GPR137B: variants seen among roughly 807,000 people sequenced by gnomAD.
GPR137B encodes G protein-coupled receptor 137B.
Under a neutral mutation model 42.5 loss-of-function variants are expected in GPR137B, and 42 were observed. The ratio of observed to expected loss-of-function variants is 0.99; its 90% CI spans 0.77 to 1.28. The LOEUF is 1.28. Among genes scored for constraint, GPR137B ranks in the 50% most tolerant of loss-of-function variants. GPR137B has a pLI of 0.00. For missense variants in GPR137B, 487 were observed against 493.9 expected (o/e 0.99, Z 0.13); for synonymous variants, 218 against 209.7 (o/e 1.04, Z -0.34).
chr1:236,204,892 T>C (rs1412954931), intron 5 of GPR137B, among the ~76,000 whole-genome samples: 1 of 152,208 alleles, frequency 6.6e-6, no homozygotes, highest in Non-Finnish European at 1.5e-5. Context: ...AAAACAATGA[T>C]GACTCACTGT....
chr1:236,148,373 C>T (rs574353291), intron 1 of GPR137B, among the ~76,000 whole-genome samples: 4 of 152,300 alleles, frequency 2.6e-5, no homozygotes, highest in South Asian at 2.1e-4. Flanking sequence ...CCTTCTTCCT[C>T]GGAATTCCCA....
rs761718187 is a variant in GPR137B at position 236,183,874 on chromosome 1, T to C, written c.934T>C (p.Phe312Leu). Residue 312 changes from phenylalanine (F) to leucine (L), a missense_variant, in exon 5 of 7, where the codon TTC becomes CTC. Phe to Leu is a conservative substitution (Grantham distance 22). Coordinates refer to ENST00000366592, the MANE Select transcript of GPR137B (RefSeq NM_003272.4). The part of the protein sequence containing the change: ...ELLPTTLVVY[F>L]FRVRNPTKDL... ...CTTACCTACCACCTTAGTCGTTTAT[T>C]TCTTCCGAGTTAGAAATCCTACAAA... The C allele has an allele frequency of 5.0e-6, 8 of 1,609,512 alleles. No individual in the cohort carries two copies. In the South Asian group the frequency reaches 8.8e-5, roughly 18 times the overall value.
rs774554717 is a variant in GPR137B at position 236,171,475 on chromosome 1, T to C, written c.464+2720T>C. 1.3e-5 allele frequency among the ~76,000 whole-genome samples: 2 copies of C among 152,170 alleles called. No homozygotes were observed. The highest frequency in any genetic ancestry group is 2.9e-5 in the Non-Finnish European group (2 of 68,026). ...GGAACTGATTTTATCTTGGAAGCAG[T>C]TGAGGCTGGGGTAATTAGATGTCTT... On this transcript the variant is annotated intron_variant, in intron 2 of 6. Transcript: ENST00000366592. This position sits in a 1 kb window ranked among gnomAD's most constrained non-coding sequence, Gnocchi z 4.4.
intron 5 of GPR137B, 52 bp from the exon 6 acceptor site, chr1:236,205,074 G>C: frequency 1.3e-6 from 2 of 1,498,754 alleles, no homozygotes; most frequent in Non-Finnish European, 1.8e-6. Context: ...ATTTTTGTCT[G>C]GTGCAAGGCA....
chr1:236,150,966 G>C lies in GPR137B; in HGVS notation c.414+7930G>C, dbSNP rs1661841362. ...ATGACAGTGAGGGGTGGGCTGCCCA[G>C]AGAGGAACATTTGCAAGATCCAAGA... is the stretch of plus-strand genomic sequence containing the variant. On this transcript the variant is annotated intron_variant, in intron 1 of 6. Transcript: ENST00000366592. The surrounding 1 kb of genome is among the most constrained non-coding windows in gnomAD (Gnocchi z 6.2). 6.6e-6 allele frequency among the ~76,000 whole-genome samples: 1 copy of C among 152,218 alleles called. No individual in the cohort carries two copies. The highest frequency in any genetic ancestry group is 2.4e-5 in the African/African-American group (1 of 41,446).
At chr1:236,162,372 T>C (rs1279921444) in intron 1 of GPR137B, among the ~76,000 whole-genome samples, 1 of 152,170 alleles carries the variant, frequency 6.6e-6, no homozygotes, top group Non-Finnish European at 1.5e-5. Context: ...TTCAGAAAAT[T>C]TGCAGCCTGA....
intron 1 of GPR137B, among the ~76,000 whole-genome samples, chr1:236,162,329 A>G (rs1479968912): frequency 1.3e-5 from 2 of 152,224 alleles, no homozygotes; most frequent in Non-Finnish European, 2.9e-5. Flanking sequence ...TCTTAAAGGC[A>G]TTCAGTTTTA....
chr1:236,201,301 C>T (rs1663485528), intron 5 of GPR137B, among the ~76,000 whole-genome samples: 3 of 152,026 alleles, frequency 2.0e-5, no homozygotes, highest in South Asian at 4.1e-4. Context: ...GTTCTTTGAG[C>T]TTCTTGTATT....
At chr1:236,148,620 C>A in intron 1 of GPR137B, among the ~76,000 whole-genome samples, 1 of 152,274 alleles carries the variant, frequency 6.6e-6, no homozygotes, top group Middle Eastern at 3.4e-3. Context: ...TGACATTTAT[C>A]GGGGTCTGGT....
chr1:236,191,954 C>T (rs1285450806), intron 5 of GPR137B, among the ~76,000 whole-genome samples: 3 of 152,194 alleles, frequency 2.0e-5, no homozygotes, highest in Non-Finnish European at 4.4e-5. Flanking sequence ...GTGCTCTGTC[C>T]CAGGGAGATG....
chr1:236,150,181 T>C lies in GPR137B; in HGVS notation c.414+7145T>C, dbSNP rs1489757504. Among the ~76,000 whole-genome samples, 2 of 135,458 alleles carry C rather than the reference T, an allele frequency of 1.5e-5. No individual in the cohort carries two copies. Among genetic ancestry groups the C allele is most frequent in the Non-Finnish European group, 3.2e-5 (2 of 62,114 alleles). 88.9% of individuals were successfully genotyped at this position (135,458 alleles called of 152,430 possible). A position where few individuals can be genotyped will look rare whatever the true frequency, so the allele number is the denominator to read the frequency against. ...TGTGCATGTGTGTGCCCGTTTGTGT[T>C]TGTGTGTGTCTGTGTGCCTGTGTGT... On this transcript the variant is annotated intron_variant, in intron 1 of 6. Transcript: ENST00000366592. The surrounding 1 kb of genome is among the most constrained non-coding windows in gnomAD (Gnocchi z 6.2).
At chr1:236,148,685 C>T (rs1267508538) in intron 1 of GPR137B, among the ~76,000 whole-genome samples, 2 of 152,156 alleles carry the variant, frequency 1.3e-5, no homozygotes, top group East Asian at 3.9e-4. Flanking sequence ...TCAGCTGCAG[C>T]AGGGATGGTT....
At position 236,183,850 on chromosome 1, in the gene GPR137B, T is replaced by A. The variant is rs1443394654; in HGVS notation, c.910T>A (p.Leu304Ile). The A allele has an allele frequency of 6.2e-7, 1 of 1,605,608 alleles. No individual in the cohort carries two copies. The highest frequency in any genetic ancestry group is 1.7e-5 in the Admixed American group (1 of 59,976). ...FGVVLFVWEL[L>I]PTTLVVYFFR... is the part of the protein sequence containing the mutation. Reference sequence around the variant, plus strand: ...AGTGGTGTTATTTGTTTGGGAACTCTTACCTACCACCTTAGTCGTTTATTT... The same window carrying A: ...AGTGGTGTTATTTGTTTGGGAACTCATACCTACCACCTTAGTCGTTTATTT... The change falls in exon 5 of 7, where the codon TTA (leucine) becomes ATA (isoleucine). Residue 304 changes from leucine (L) to isoleucine (I), a missense_variant. Coordinates refer to ENST00000366592, the MANE Select transcript of GPR137B (RefSeq NM_003272.4).
intron 1 of GPR137B, among the ~76,000 whole-genome samples, chr1:236,148,823 AG>A (rs955032736): frequency 6.6e-6 from 1 of 152,102 alleles, no homozygotes; most frequent in African/African-American, 2.4e-5. Flanking sequence ...CTTATGAATG[AG>A]GAGGCAGCCC....
chr1:236,176,760 C>G (rs1045900142), intron 2 of GPR137B, among the ~76,000 whole-genome samples: 1 of 152,176 alleles, frequency 6.6e-6, no homozygotes, highest in African/African-American at 2.4e-5. Context: ...TTCCCTCCCT[C>G]CCTCTTAAAC....
At chr1:236,181,494 C>A (rs1311551818) in intron 4 of GPR137B, among the ~76,000 whole-genome samples, 1 of 152,196 alleles carries the variant, frequency 6.6e-6, no homozygotes, top group African/African-American at 2.4e-5. Context: ...CTCTATTATA[C>A]ATTTATTAGA....
At chr1:236,201,949 TGG>T (rs759629040) in intron 5 of GPR137B, among the ~76,000 whole-genome samples, 3 of 152,136 alleles carry the variant, frequency 2.0e-5, no homozygotes, top group East Asian at 3.9e-4. Context: ...TTCCTTGATG[TGG>T]GTTGCTTCCC....
intron 1 of GPR137B, among the ~76,000 whole-genome samples, chr1:236,149,932 CTGTG>C (rs375115286): frequency 2.7e-5 from 4 of 150,144 alleles, no homozygotes; most frequent in Admixed American, 6.6e-5. Context: ...CTGCGTGCAC[CTGTG>C]TGTGTATGTG....
intron 5 of GPR137B, among the ~76,000 whole-genome samples, chr1:236,190,498 C>G (rs570551427): frequency 6.6e-6 from 1 of 152,268 alleles, no homozygotes; most frequent in East Asian, 1.9e-4. Context: ...TTTAGTGCTT[C>G]CTTCAGGAGG....
Sources: gnomAD v4.1 joint callset for allele counts (sites outside exome capture counted in the v4.1 genomes callset) on GRCh38, gnomAD v4.1.1 for gene constraint, Gnocchi (gnomAD v3.1) non-coding constraint, MANE v1.5 for transcripts, NCBI Gene and HGNC (gene_info 2026-07-23, HGNC 2026-07-21) for gene names.